Variants in RANBP17 observed in about 807,000 individuals in gnomAD.
RANBP17 encodes the protein RAN binding protein 17, also known as ran-binding protein 17.
A neutral mutation model predicts 141.2 loss-of-function variants in RANBP17; 158 were observed. The observed-to-expected ratio is 1.12, with a 90% confidence interval of 0.98 to 1.28. The LOEUF (loss-of-function observed/expected upper bound fraction) is 1.28, where lower values mean the gene tolerates loss of function less well. Ranked by LOEUF, RANBP17 falls within the 50% of genes most tolerant of loss-of-function variation. The pLI is 0.00. For missense variants in RANBP17, 1,438 were observed against 1,290.7 expected, an observed-to-expected ratio of 1.11 and a Z score of -1.75; for synonymous variants, 430 against 450.0, an observed-to-expected ratio of 0.96 and a Z score of 0.56.
At chr5:171,236,107 CAG>C (rs1764529587) in intron 22 of RANBP17, among the ~76,000 whole-genome samples, 1 of 152,104 alleles carries the variant, frequency 6.6e-6, no homozygotes, top group Admixed American at 6.5e-5. Flanking sequence ...TGCTGGTTTG[CAG>C]AGAGACAAGA....
chr5:171,252,944 ACT>A lies in RANBP17; in HGVS notation c.2776+10127_2776+10128del. The A allele has an allele frequency of 2.1e-6, 3 of 1,453,226 alleles. No individual in the cohort carries two copies. The Admixed American group carries it at 5.0e-5, about 24-fold the overall frequency. 90.0% of individuals were successfully genotyped at this position (1,453,226 alleles called of 1,614,324 possible). The stretch of plus-strand genomic sequence containing the variant: ...GGGCTGACATCAGATATCTCAAAGA[ACT>A]CTGAGTCTGGTTACATCCTTTTCTA... On this transcript the variant is annotated intron_variant, in intron 24 of 27. Coordinates refer to ENST00000523189, the MANE Select transcript of RANBP17 (RefSeq NM_022897.5).
chr5:171,173,048 G>T (rs1006536989), intron 16 of RANBP17, among the ~76,000 whole-genome samples: 1 of 151,834 alleles, frequency 6.6e-6, no homozygotes, highest in Non-Finnish European at 1.5e-5. Context: ...AATTATTTCA[G>T]GTTTGCATAT....
At chr5:171,178,953 T>G (rs751192354) in intron 16 of RANBP17, among the ~76,000 whole-genome samples, 1 of 152,210 alleles carries the variant, frequency 6.6e-6, no homozygotes, top group Non-Finnish European at 1.5e-5. Flanking sequence ...TGCAAACATT[T>G]TTCTCTCATT....
chr5:171,241,039 A>G lies in RANBP17; in HGVS notation c.2534A>G (p.Tyr845Cys), dbSNP rs751442035. The G allele has an allele frequency of 3.1e-6, 5 of 1,613,996 alleles. No homozygotes were observed. Among genetic ancestry groups the G allele is most frequent in the Non-Finnish European group, 4.2e-6 (5 of 1,179,914 alleles). Residue 845 changes from tyrosine (Y) to cysteine (C), a missense_variant, in exon 23 of 28, where the codon TAT becomes TGT. Physicochemically the swap from Tyr to Cys is radical, Grantham distance 194. Coordinates refer to ENST00000523189, the MANE Select transcript of RANBP17 (RefSeq NM_022897.5). ...SALKSALCGN[Y>C]VSFGVFKLYG... The stretch of plus-strand genomic sequence containing the variant: ...CTCAAGTCTGCCTTGTGTGGAAATT[A>G]TGTCAGCTTTGGCGTCTTCAAGTTG...
At chr5:170,901,048 A>G (rs892481659) in intron 5 of RANBP17, among the ~76,000 whole-genome samples, 1 of 152,198 alleles carries the variant, frequency 6.6e-6, no homozygotes, top group African/African-American at 2.4e-5. Flanking sequence ...AGCTGAGTTC[A>G]AGTCCTGAAT....
At chr5:170,966,984 C>A (rs1280066957) in intron 13 of RANBP17, among the ~76,000 whole-genome samples, 1 of 152,118 alleles carries the variant, frequency 6.6e-6, no homozygotes, top group East Asian at 1.9e-4. Context: ...ATCCAACTTA[C>A]AAGGGACGTG....
At chr5:171,011,312 A>G (rs1431504655) in intron 14 of RANBP17, among the ~76,000 whole-genome samples, 4 of 152,094 alleles carry the variant, frequency 2.6e-5, no homozygotes, top group East Asian at 1.9e-4. Flanking sequence ...ATTTATTATC[A>G]GAAATGACCA....
intron 14 of RANBP17, among the ~76,000 whole-genome samples, chr5:171,052,354 GT>G (rs1162696653): frequency 1.3e-5 from 2 of 152,066 alleles, no homozygotes; most frequent in Admixed American, 1.3e-4. Context: ...TCATCCCTAT[GT>G]TTTTTTCTAA....
chr5:171,012,250 C>T lies in RANBP17; in HGVS notation c.1710+43873C>T, dbSNP rs374984284. 9.9e-5 allele frequency among the ~76,000 whole-genome samples: 15 copies of T among 152,070 alleles called. No individual in the cohort carries two copies. The South Asian group carries it at 1.5e-3, about 15-fold the overall frequency. ...AACTATGGAGCAAAAGGCAAAATGA[C>T]GGAAACAGCAACCTTAAGTTCATAT... On this transcript the variant is annotated intron_variant, in intron 14 of 27. Coordinates refer to ENST00000523189, the MANE Select transcript of RANBP17 (RefSeq NM_022897.5).
chr5:170,923,615 T>TA lies in RANBP17; in HGVS notation c.1275-741dup, dbSNP rs556149199. ...GACATCTCAACAATATTGAGTCTCT[T>TA]AGTCTCTGAGCATGTCTATCTTTTA... On this transcript the variant is annotated intron_variant, in intron 11 of 27. Transcript: ENST00000523189. 4.1e-4 allele frequency among the ~76,000 whole-genome samples: 63 copies of TA among 152,342 alleles called. 1 individual carries two copies. In the South Asian group the frequency reaches 0.013, roughly 31 times the overall value.
chr5:170,873,804 A>G (rs1767946422), intron 1 of RANBP17, among the ~76,000 whole-genome samples: 1 of 152,032 alleles, frequency 6.6e-6, no homozygotes, highest in African/African-American at 2.4e-5. Flanking sequence ...TCCTGGATTT[A>G]TTGACTTTTT....
At chr5:171,217,084 C>T (rs987362504) in intron 21 of RANBP17, among the ~76,000 whole-genome samples, 3 of 152,072 alleles carry the variant, frequency 2.0e-5, no homozygotes, top group Non-Finnish European at 2.9e-5. Flanking sequence ...AGATATGTTC[C>T]GTCAATACCT....
At position 171,253,729 on chromosome 5, in the gene RANBP17, A is replaced by C. The variant is rs572304223; in HGVS notation, c.2776+10909A>C. 5.2e-4 allele frequency among the ~76,000 whole-genome samples: 79 copies of C among 152,298 alleles called. 1 individual carries two copies. The South Asian group carries it at 6.8e-3, about 13-fold the overall frequency. The stretch of plus-strand genomic sequence containing the variant: ...CAGTAAATTTGAGCATATTTTTATT[A>C]GTTAATGTCAGTTTAAGTAGTCCTT... On this transcript the variant is annotated intron_variant, in intron 24 of 27. Transcript: ENST00000523189.
At chr5:171,062,245 T>C (rs931137014) in intron 14 of RANBP17, among the ~76,000 whole-genome samples, 8 of 152,356 alleles carry the variant, frequency 5.3e-5, no homozygotes, top group African/African-American at 1.9e-4. Context: ...ATGGAGTTTC[T>C]TCCTAGCCTT....
chr5:170,868,216 T>C (rs1410247332), intron 1 of RANBP17, among the ~76,000 whole-genome samples: 3 of 152,148 alleles, frequency 2.0e-5, no homozygotes, highest in Non-Finnish European at 4.4e-5. Flanking sequence ...CATTGTCTCC[T>C]AGGGTATGAA....
intron 5 of RANBP17, among the ~76,000 whole-genome samples, chr5:170,909,422 G>A (rs1423089247): frequency 6.6e-6 from 1 of 151,682 alleles, no homozygotes; most frequent in African/African-American, 2.4e-5. Context: ...GGAGTTAATA[G>A]TCTTAGTATC....
intron 14 of RANBP17, among the ~76,000 whole-genome samples, chr5:171,140,290 A>G (rs904239930): frequency 2.6e-5 from 4 of 152,242 alleles, no homozygotes; most frequent in Admixed American, 1.3e-4. Context: ...TTCCATGAGG[A>G]TAGGGATCAT....
intron 24 of RANBP17, among the ~76,000 whole-genome samples, chr5:171,254,972 C>T (rs1470068075): frequency 6.6e-6 from 1 of 152,174 alleles, no homozygotes; most frequent in Non-Finnish European, 1.5e-5. Context: ...CTTCCATAAG[C>T]AGATCTTTAA....
intron 1 of RANBP17, among the ~76,000 whole-genome samples, chr5:170,865,168 T>C (rs2127299202): frequency 6.6e-6 from 1 of 152,226 alleles, no homozygotes; most frequent in African/African-American, 2.4e-5. Flanking sequence ...GTTCCAGTGA[T>C]TCTCTTGCCT....
Sources: allele counts gnomAD v4.1 joint callset (sites outside exome capture counted in the v4.1 genomes callset), GRCh38; gene constraint gnomAD v4.1.1; transcripts MANE v1.5; gene names NCBI Gene and HGNC (gene_info 2026-07-23, HGNC 2026-07-21).